LPIN1: variants seen among roughly 807,000 people sequenced by gnomAD.
The protein encoded by LPIN1 is lipin 1.
A neutral mutation model predicts 107.5 loss-of-function variants in LPIN1; 71 were observed. That is an observed-to-expected ratio of 0.66 (90% CI 0.55 to 0.80). The LOEUF is 0.80. Among genes scored for constraint, LPIN1 ranks in the 30% least tolerant of loss-of-function variants. LPIN1 has a pLI of 0.00. For missense variants in LPIN1, 1,043 were observed against 1,160.6 expected (o/e 0.90, Z 1.47); for synonymous variants, 445 against 452.6 (o/e 0.98, Z 0.21).
upstream of LPIN1, chr2:11,722,073 T>C (rs1250176111): frequency 6.6e-6 from 1 of 152,246 alleles, no homozygotes; most frequent in African/African-American, 2.4e-5. Context: ...TTCATTGATT[T>C]ATGGCTGGAT....
At chr2:11,741,685 C>T (rs2148558728), upstream of LPIN1, among the ~76,000 whole-genome samples, 1 of 152,262 alleles carries the variant, frequency 6.6e-6, no homozygotes, top group South Asian at 2.1e-4. Context: ...GTGGCGGGTG[C>T]CTGTAGTCCC....
At chr2:11,746,334 C>T (rs940098467), upstream of LPIN1, among the ~76,000 whole-genome samples, 5 of 152,190 alleles carry the variant, frequency 3.3e-5, no homozygotes, top group Non-Finnish European at 7.3e-5. Context: ...CTGCACCCCT[C>T]CGTCCTCACT....
At chr2:11,785,489 C>A (rs948012823) in intron 10 of LPIN1, among the ~76,000 whole-genome samples, 1 of 152,118 alleles carries the variant, frequency 6.6e-6, no homozygotes, top group Non-Finnish European at 1.5e-5. Flanking sequence ...GGGCGTTAAT[C>A]GGGTGGGCTT....
chr2:11,757,206 A>C (rs1394177655), intron 1 of LPIN1, among the ~76,000 whole-genome samples: 1 of 151,762 alleles, frequency 6.6e-6, no homozygotes, highest in Non-Finnish European at 1.5e-5. Flanking sequence ...AAGCCGTTCC[A>C]CTGGAAATTG....
intron 12 of LPIN1, among the ~76,000 whole-genome samples, chr2:11,791,515 C>G (rs890211839): frequency 6.6e-6 from 1 of 152,164 alleles, no homozygotes. Flanking sequence ...TCCTCTATCC[C>G]ATATTAATCA....
At position 11,824,848 on chromosome 2, in the gene LPIN1, G is replaced by A; in HGVS notation, c.*57G>A. ...AGAGCCTGGTTGTCACCCATTAAAG[G>A]ATAGGTCTCCCCGGAGTGCACAGCT... is the stretch of plus-strand genomic sequence containing the variant. On this transcript the variant is annotated 3_prime_UTR_variant, in exon 21 of 21. Coordinates refer to ENST00000674199, the MANE Select transcript of LPIN1 (RefSeq NM_001349206.2). The A allele has an allele frequency of 6.2e-7, 1 of 1,602,052 alleles. No homozygotes were observed. Among genetic ancestry groups the A allele is most frequent in the Non-Finnish European group, 8.5e-7 (1 of 1,170,414 alleles).
chr2:11,820,921 A>T lies in LPIN1; in HGVS notation c.2621+407A>T, dbSNP rs567923849. ...ATACCAAATGTTTCTTACCAGAGAC[A>T]TTGCTGTGTAATTGTTAAGAATTCC... is the stretch of plus-strand genomic sequence containing the variant. On this transcript the variant is annotated intron_variant, in intron 20 of 20. Coordinates refer to ENST00000674199, the MANE Select transcript of LPIN1 (RefSeq NM_001349206.2). Among the ~76,000 whole-genome samples the T allele has an allele frequency of 3.3e-5, 5 of 152,374 alleles. No homozygotes were observed. The East Asian group carries it at 9.6e-4, about 29-fold the overall frequency.
At chr2:11,735,337 G>A (rs113278068) in intron 1 of LPIN1, among the ~76,000 whole-genome samples, 10,426 of 152,088 alleles carry the variant, frequency 0.069, 511 homozygotes, top group Middle Eastern at 0.16. Flanking sequence ...CTTGGAGGGG[G>A]ATAATGTTCC....
intron 1 of LPIN1, among the ~76,000 whole-genome samples, chr2:11,709,249 G>A (rs1245832256): frequency 6.6e-6 from 1 of 152,162 alleles, no homozygotes; most frequent in African/African-American, 2.4e-5. Flanking sequence ...CCAAAGAAAG[G>A]GGGTATCATT....
chr2:11,776,046 T>A (rs1672628916), intron 5 of LPIN1, 40 bp from the exon 6 acceptor site: 2 of 1,166,210 alleles, frequency 1.7e-6, no homozygotes, highest in Non-Finnish European at 1.2e-6. Flanking sequence ...GACCTCTGAT[T>A]TTGTCTTTCT....
At chr2:11,683,747 G>A (rs1465615480) in intron 1 of LPIN1, among the ~76,000 whole-genome samples, 3 of 152,174 alleles carry the variant, frequency 2.0e-5, no homozygotes, top group Non-Finnish European at 4.4e-5. Flanking sequence ...CCTCCAGGAC[G>A]GCTGGTGTTT....
intron 3 of LPIN1, among the ~76,000 whole-genome samples, chr2:11,770,631 C>T (rs1321244271): frequency 6.6e-6 from 1 of 152,168 alleles, no homozygotes; most frequent in Non-Finnish European, 1.5e-5. Context: ...GTTTATTTAT[C>T]CCCTCTGTTT....
In LPIN1 at chr2:11,803,273, G is replaced by A. The variant is rs932293486; in HGVS notation, c.2013+240G>A. Among the ~76,000 whole-genome samples, 4 of 152,202 alleles carry A rather than the reference G, an allele frequency of 2.6e-5. No individual in the cohort carries two copies. Among genetic ancestry groups the A allele is most frequent in the African/African-American group, 7.2e-5 (3 of 41,456 alleles). On this transcript the variant is annotated intron_variant, in intron 15 of 20. Coordinates refer to ENST00000674199, the MANE Select transcript of LPIN1 (RefSeq NM_001349206.2). This position sits in a 1 kb window ranked among gnomAD's most constrained non-coding sequence, Gnocchi z 4.2. ...TGCTGGCCTGGCCCTGGAGGATCTA[G>A]TTTACTAGAGTTAGGAGGAAGGCAG...
At chr2:11,801,567 T>C (rs1015662240) in intron 14 of LPIN1, among the ~76,000 whole-genome samples, 2 of 151,630 alleles carry the variant, frequency 1.3e-5, no homozygotes, top group African/African-American at 2.4e-5. Flanking sequence ...TTCATGGAGG[T>C]AGAGAGTAGA....
In LPIN1 at chr2:11,708,313, G is replaced by C. The variant is rs150564375; in HGVS notation, c.82-5443G>C. On this transcript the variant is annotated intron_variant, in intron 1 of 21. Coordinates refer to the LPIN1 transcript ENST00000449576. ...AGAGGAGGGTGATTATTTGCCAAGG[G>C]GGGGACTCTGAGAAGGCCCCATGGA... 2.8e-3 allele frequency among the ~76,000 whole-genome samples: 433 copies of C among 152,256 alleles called. 1 individual carries two copies. Among genetic ancestry groups the C allele is most frequent in the African/African-American group, 9.7e-3 (404 of 41,548 alleles).
In LPIN1 at chr2:11,800,696, G is replaced by A. The variant is rs535356365; in HGVS notation, c.1887-2211G>A. Among the ~76,000 whole-genome samples, 38 of 152,322 alleles carry A rather than the reference G, an allele frequency of 2.5e-4. 1 individual carries two copies. The highest frequency in any genetic ancestry group is 8.7e-4 in the African/African-American group (36 of 41,574). On this transcript the variant is annotated intron_variant, in intron 14 of 20. Transcript: ENST00000674199. Reference sequence around the variant, plus strand: ...ATAGGAGATCTTAAGGGAGGCAGGGGCGGGGGAAACAGGAGGCAGTAAGGC... The same window carrying A: ...ATAGGAGATCTTAAGGGAGGCAGGGACGGGGGAAACAGGAGGCAGTAAGGC...
rs576458008 is a variant in LPIN1 at position 11,824,528 on chromosome 2, C to A, written c.2622-104C>A. On this transcript the variant is annotated intron_variant, in intron 20 of 20. Coordinates refer to ENST00000674199, the MANE Select transcript of LPIN1 (RefSeq NM_001349206.2). The stretch of plus-strand genomic sequence containing the variant: ...GACTTGAGTCGTGTCGATAAGTAGG[C>A]GGTCTGCTCCTTGAGGTTGTAGATC... The A allele has an allele frequency of 3.7e-6, 4 of 1,066,986 alleles. No individual in the cohort carries two copies. In the East Asian group the frequency reaches 9.5e-5, roughly 25 times the overall value. 66.1% of individuals were successfully genotyped at this position (1,066,986 alleles called of 1,614,324 possible).
chr2:11,783,958 T>C (rs771903711), intron 9 of LPIN1, 36 bp downstream of exon 9: 2 of 1,613,564 alleles, frequency 1.2e-6, no homozygotes, highest in South Asian at 2.2e-5. Flanking sequence ...TCATTTCCTA[T>C]AATCTGAATA....
At chr2:11,759,823 ACCTC>A (rs1301317868) in intron 1 of LPIN1, among the ~76,000 whole-genome samples, 1 of 134,856 alleles carries the variant, frequency 7.4e-6, no homozygotes, top group Non-Finnish European at 1.6e-5. Flanking sequence ...CTGACCCCCC[ACCTC>A]CCTCCCGGAC....
Sources: allele counts gnomAD v4.1 joint callset (sites outside exome capture counted in the v4.1 genomes callset), GRCh38; gene constraint gnomAD v4.1.1; non-coding constraint Gnocchi (gnomAD v3.1); transcripts MANE v1.5; gene names NCBI Gene and HGNC (gene_info 2026-07-23, HGNC 2026-07-21).